Variants in CACUL1 observed in about 807,000 individuals in gnomAD.
CACUL1 encodes CDK2 associated cullin domain 1, also known as CDK2-associated and cullin domain-containing protein 1.
Under a neutral mutation model 45.2 loss-of-function variants are expected in CACUL1, and 13 were observed. That is an observed-to-expected ratio of 0.29 (90% CI 0.19 to 0.46). CACUL1 has a LOEUF of 0.46. CACUL1 is among the 20% of genes least tolerant of loss of function. CACUL1 has a pLI of 1.00. For synonymous variants in CACUL1, 197 were observed against 174.2 expected, an observed-to-expected ratio of 1.13 and a Z score of -1.03; for missense variants, 421 against 471.4, an observed-to-expected ratio of 0.89 and a Z score of 0.99.
intron 5 of CACUL1, 80 bp from the exon 6 acceptor site, chr10:118,695,310 C>T: frequency 1.3e-6 from 1 of 795,838 alleles, no homozygotes; most frequent in Non-Finnish European, 2.2e-6. Context: ...CTCCCAAAGA[C>T]TCCTGAAACA....
Position 118,754,665 on chromosome 10 carries a change from C to G in CACUL1, c.98G>C (p.Arg33Pro). The change falls in exon 1 of 9, where the codon CGG becomes CCG. Residue 33 changes from arginine (R) to proline (P), a missense_variant. Coordinates refer to ENST00000369151, the MANE Select transcript of CACUL1 (RefSeq NM_153810.5). Reference sequence around the variant, plus strand: ...GGGCGGCGGAGGTGGCAGGGGCTGCCGGAAGCCGTCCACCGCAGCCTCCCA... The same window carrying G: ...GGGCGGCGGAGGTGGCAGGGGCTGCGGGAAGCCGTCCACCGCAGCCTCCCA... The part of the protein sequence containing the change: ...NNWEAAVDGF[R>P]QPLPPPPPPS... 4 of 1,607,582 alleles carry G rather than the reference C, an allele frequency of 2.5e-6. No homozygotes were observed. The highest frequency in any genetic ancestry group is 3.4e-6 in the Non-Finnish European group (4 of 1,177,566).
chr10:118,719,913 A>C (rs542319698), intron 3 of CACUL1, among the ~76,000 whole-genome samples: 21 of 152,302 alleles, frequency 1.4e-4, no homozygotes, highest in Non-Finnish European at 2.8e-4. Flanking sequence ...AATAATATCC[A>C]AAAAATAGTG....
intron 5 of CACUL1, 57 bp downstream of exon 5, chr10:118,701,249 A>C: frequency 2.0e-6 from 2 of 1,005,136 alleles, no homozygotes; most frequent in Non-Finnish European, 2.9e-6. Context: ...CAAAAAAAAA[A>C]GAAAAAGGAA....
intron 5 of CACUL1, among the ~76,000 whole-genome samples, chr10:118,695,917 GACCTAAA>G (rs113976124): frequency 0.18 from 26,891 of 151,990 alleles, 2,993 homozygotes; most frequent in African/African-American, 0.29. Context: ...AGATACTACT[GACCTAAA>G]ATGATTCATT....
chr10:118,697,109 C>G (rs950215588), intron 5 of CACUL1, among the ~76,000 whole-genome samples: 1 of 152,130 alleles, frequency 6.6e-6, no homozygotes, highest in African/African-American at 2.4e-5. Flanking sequence ...TCTAGTTAAT[C>G]TCCCCTTTTA....
intron 4 of CACUL1, among the ~76,000 whole-genome samples, chr10:118,702,393 A>G (rs1265436804): frequency 6.6e-6 from 1 of 152,206 alleles, no homozygotes; most frequent in Admixed American, 6.5e-5. Context: ...CAGAGAGACC[A>G]AAAATCAAGT....
At position 118,678,519 on chromosome 10, in the gene CACUL1, T is replaced by C. The variant is rs1845119181; in HGVS notation, c.*7609A>G. ...TTGTCAGGTTCCACAGTGAAAATCA[T>C]TGGGAATTTTTTTGGAATTGCAATT... On this transcript the variant is annotated 3_prime_UTR_variant, in exon 9 of 9. Coordinates refer to ENST00000369151, the MANE Select transcript of CACUL1 (RefSeq NM_153810.5). The C allele has an allele frequency of 6.6e-6, 1 of 152,222 alleles. No homozygotes were observed. The highest frequency in any genetic ancestry group is 1.9e-4 in the East Asian group (1 of 5,198). 9.4% of individuals were successfully genotyped at this position (152,222 alleles called of 1,614,324 possible).
intron 3 of CACUL1, among the ~76,000 whole-genome samples, chr10:118,719,363 T>G (rs1466223154): frequency 6.6e-6 from 1 of 152,184 alleles, no homozygotes; most frequent in Non-Finnish European, 1.5e-5. Flanking sequence ...TTTAGATGAC[T>G]GACTATAGCA....
chr10:118,736,831 T>C (rs1228121627), intron 1 of CACUL1, among the ~76,000 whole-genome samples: 3 of 152,172 alleles, frequency 2.0e-5, no homozygotes, highest in Non-Finnish European at 4.4e-5. Context: ...TACCATGCTT[T>C]TACTGTACCT....
At chr10:118,753,893 T>C (rs1845925042) in intron 1 of CACUL1, among the ~76,000 whole-genome samples, 1 of 152,220 alleles carries the variant, frequency 6.6e-6, no homozygotes, top group South Asian at 2.1e-4. Flanking sequence ...AAGGTGTAGA[T>C]ATAGGTCAAC....
At chr10:118,743,688 C>T (rs1440670959) in intron 1 of CACUL1, among the ~76,000 whole-genome samples, 1 of 151,986 alleles carries the variant, frequency 6.6e-6, no homozygotes, top group African/African-American at 2.4e-5. Context: ...GAGATCGCGC[C>T]ACTGCACTCC....
At chr10:118,746,687 T>C (rs577880209) in intron 1 of CACUL1, among the ~76,000 whole-genome samples, 5 of 152,284 alleles carry the variant, frequency 3.3e-5, no homozygotes, top group South Asian at 2.1e-4. Context: ...ACAGTAATAA[T>C]AGTTGTCTGA....
chr10:118,740,593 G>A (rs1845782681), intron 1 of CACUL1, among the ~76,000 whole-genome samples: 1 of 152,016 alleles, frequency 6.6e-6, no homozygotes, highest in Non-Finnish European at 1.5e-5. Flanking sequence ...CTGGGAGACA[G>A]AGTGAGTCTC....
At chr10:118,690,891 CA>C (rs1275957681) in intron 7 of CACUL1, among the ~76,000 whole-genome samples, 3 of 152,110 alleles carry the variant, frequency 2.0e-5, no homozygotes, top group Non-Finnish European at 4.4e-5. Context: ...ACTAAAAATA[CA>C]AAACAATTAG....
intron 4 of CACUL1, among the ~76,000 whole-genome samples, chr10:118,706,296 T>C (rs752636228): frequency 6.6e-6 from 1 of 152,236 alleles, no homozygotes; most frequent in Non-Finnish European, 1.5e-5. Context: ...TTAATTCCTT[T>C]ATCCACAAAT....
At chr10:118,724,347 A>T (rs1444526876) in intron 3 of CACUL1, among the ~76,000 whole-genome samples, 1 of 152,170 alleles carries the variant, frequency 6.6e-6, no homozygotes, top group Non-Finnish European at 1.5e-5. Flanking sequence ...TCCTGGCCCT[A>T]TAATTCACTT....
chr10:118,748,767 A>G (rs1327199111), intron 1 of CACUL1, among the ~76,000 whole-genome samples: 5 of 152,190 alleles, frequency 3.3e-5, no homozygotes, highest in African/African-American at 1.2e-4. Flanking sequence ...GGGATAGTCA[A>G]CCTGTAACAG....
chr10:118,744,686 C>A (rs1337284921), intron 1 of CACUL1, among the ~76,000 whole-genome samples: 1 of 152,066 alleles, frequency 6.6e-6, no homozygotes, highest in Non-Finnish European at 1.5e-5. Context: ...AACAGATTCT[C>A]GTCATGTCGC....
intron 1 of CACUL1, among the ~76,000 whole-genome samples, chr10:118,741,293 C>A (rs1589618847): frequency 6.6e-6 from 1 of 152,102 alleles, no homozygotes; most frequent in African/African-American, 2.4e-5. Flanking sequence ...CTCAAATCCT[C>A]GGAAATGGAA....
Sources: allele counts gnomAD v4.1 joint callset (sites outside exome capture counted in the v4.1 genomes callset), GRCh38; gene constraint gnomAD v4.1.1; transcripts MANE v1.5; gene names NCBI Gene and HGNC (gene_info 2026-07-23, HGNC 2026-07-21).